NDUFS2: variants seen among roughly 807,000 people sequenced by gnomAD.
NDUFS2 encodes the protein NADH dehydrogenase [ubiquinone] iron-sulfur protein 2, mitochondrial.
A neutral mutation model predicts 69.6 loss-of-function variants in NDUFS2; 38 were observed. The ratio of observed to expected loss-of-function variants is 0.55; its 90% CI spans 0.42 to 0.72. The LOEUF is 0.72. Ranked by LOEUF, NDUFS2 falls within the 30% of genes least tolerant of loss-of-function variation. The probability of loss-of-function intolerance (pLI) is 0.00; values close to 1 mark genes in which losing one functional copy is unlikely to be tolerated. For synonymous variants in NDUFS2, 194 were observed against 211.2 expected (o/e 0.92, Z 0.70); for missense variants, 468 against 595.0 (o/e 0.79, Z 2.22).
At chr1:161,199,525 T>A (rs564791680), upstream of NDUFS2, 4 of 152,182 alleles carry the variant, frequency 2.6e-5, no homozygotes, top group South Asian at 2.1e-4. Context: ...AGGGAACAGG[T>A]AAGGAGGCAT....
intron 10 of NDUFS2, 127 bp downstream of exon 10, chr1:161,212,607 G>T: frequency 1.6e-6 from 2 of 1,274,774 alleles, no homozygotes; most frequent in Admixed American, 4.3e-5. Context: ...TACTCTTATT[G>T]CCCAGACTGG....
At chr1:161,198,159 C>T, upstream of NDUFS2, 1 of 1,614,028 alleles carries the variant, frequency 6.2e-7, no homozygotes, top group East Asian at 2.2e-5. This position sits in a 1 kb window ranked among gnomAD's most constrained non-coding sequence, Gnocchi z 4.7. Context: ...AGTTCAGCCC[C>T]CCGATATTGT....
intron 3 of NDUFS2, among the ~76,000 whole-genome samples, chr1:161,207,906 G>A (rs1219270521): frequency 6.8e-6 from 1 of 147,240 alleles, no homozygotes; most frequent in Non-Finnish European, 1.5e-5. Flanking sequence ...TCTGCCTCCC[G>A]AGTTTAAGCA....
upstream of NDUFS2, chr1:161,202,239 C>T: frequency 1.3e-6 from 1 of 765,676 alleles, no homozygotes; most frequent in Non-Finnish European, 2.2e-6. Context: ...AGTCACAGGA[C>T]CCGGATGTTG....
chr1:161,212,570 T>C, intron 10 of NDUFS2, 90 bp downstream of exon 10: 3 of 1,526,978 alleles, frequency 2.0e-6, no homozygotes, highest in Non-Finnish European at 2.6e-6. Context: ...TATCTTTTGG[T>C]TTTCTTTTTT....
chr1:161,207,795 C>T (rs1665551648), intron 3 of NDUFS2, among the ~76,000 whole-genome samples: 1 of 150,316 alleles, frequency 6.7e-6, no homozygotes. Context: ...CTTTCTCCTT[C>T]AGTATCTGAA....
Position 161,214,299 on chromosome 1 carries a change from GTA to G in NDUFS2, c.*108_*109del, listed in dbSNP as rs886045468. Reference sequence around the variant, plus strand: ...TGTGTGTGTGTGTGTGTGTGTGTGTGTATGTTCATGTACACTTGGCTGTCAGG... The same window carrying G: ...TGTGTGTGTGTGTGTGTGTGTGTGTGTGTTCATGTACACTTGGCTGTCAGG... On this transcript the variant is annotated 3_prime_UTR_variant, in exon 14 of 14. Coordinates refer to ENST00000676972, the MANE Select transcript of NDUFS2 (RefSeq NM_001377299.1). 12 of 1,031,030 alleles carry G rather than the reference GTA, an allele frequency of 1.2e-5. No homozygotes were observed. The highest frequency in any genetic ancestry group is 3.8e-5 in the Admixed American group (2 of 52,034). 63.9% of individuals were successfully genotyped at this position (1,031,030 alleles called of 1,614,324 possible). A position where few individuals can be genotyped will look rare whatever the true frequency, so the allele number is the denominator to read the frequency against.
chr1:161,202,659 A>G (rs1665207242), intron 1 of NDUFS2, among the ~76,000 whole-genome samples, 179 bp downstream of exon 1: 1 of 152,148 alleles, frequency 6.6e-6, no homozygotes, highest in African/African-American at 2.4e-5. Context: ...GAGGGTCTAG[A>G]GTTCGTTCGT....
chr1:161,202,491 G>A lies in NDUFS2; in HGVS notation c.95+11G>A, dbSNP rs766154232. ...GATTCAGCCCAGCAGGTGAGATCGA[G>A]GGCAGCTCTCGACACACTTTCTCCA... On this transcript the variant is annotated intron_variant, in intron 1 of 13. Coordinates refer to ENST00000676972, the MANE Select transcript of NDUFS2 (RefSeq NM_001377299.1). 6.8e-6 allele frequency: 11 copies of A among 1,606,454 alleles called. No homozygotes were observed. Among genetic ancestry groups the A allele is most frequent in the Admixed American group, 1.7e-5 (1 of 59,072 alleles).
At chr1:161,203,720 C>A in intron 2 of NDUFS2, 177 bp downstream of exon 2, 1 of 656,584 alleles carries the variant, frequency 1.5e-6, no homozygotes, top group Non-Finnish European at 2.8e-6. Flanking sequence ...CTCAGCCTCC[C>A]CAGAAAGCCG....
Position 161,213,367 on chromosome 1 carries a change from T to A in NDUFS2, c.1117-13T>A. The stretch of plus-strand genomic sequence containing the variant: ...GATATGGTTTATTGATGCTCCCTGT[T>A]TCCTCTCTTCAGACTTCCATGGAGT... On this transcript the variant is annotated splice_polypyrimidine_tract_variant and intron_variant, in intron 10 of 13. Transcript: ENST00000676972. 1 of 1,583,700 alleles carries A rather than the reference T, an allele frequency of 6.3e-7. No individual in the cohort carries two copies.
upstream of NDUFS2, among the ~76,000 whole-genome samples, chr1:161,200,868 T>G (rs1436229448): frequency 4.6e-5 from 7 of 152,054 alleles, no homozygotes; most frequent in Admixed American, 6.6e-5. Context: ...GCAGTGTGTG[T>G]GGGGGTGTTG....
At chr1:161,202,785 T>G (rs1323141765) in intron 1 of NDUFS2, among the ~76,000 whole-genome samples, 1 of 152,180 alleles carries the variant, frequency 6.6e-6, no homozygotes, top group East Asian at 1.9e-4. Flanking sequence ...GCTCGCTGTC[T>G]CTCTGTCGTT....
In NDUFS2 at chr1:161,210,312, C is replaced by T; in HGVS notation, c.789C>T (p.Thr263=). The change falls in exon 8 of 14, where the codon ACC becomes ACT. Residue 263 remains threonine (T), a synonymous_variant. Coordinates refer to ENST00000676972, the MANE Select transcript of NDUFS2 (RefSeq NM_001377299.1). ...GTTTTCTTGATCAATAGTTGCTGAC[C>T]AACAATAGGATCTGGCGAAATCGGA... ...LRLDELEELL[T]NNRIWRNRTI... 6.2e-7 allele frequency: 1 copy of T among 1,613,688 alleles called. No homozygotes were observed. The highest frequency in any genetic ancestry group is 8.5e-7 in the Non-Finnish European group (1 of 1,179,786).
At chr1:161,199,944 C>G (rs1488728020), upstream of NDUFS2, among the ~76,000 whole-genome samples, 1 of 151,456 alleles carries the variant, frequency 6.6e-6, no homozygotes, top group Non-Finnish European at 1.5e-5. Context: ...TTCCCCCAGG[C>G]TTTTGGCCCT....
chr1:161,202,112 C>A, upstream of NDUFS2: 1 of 535,400 alleles, frequency 1.9e-6, no homozygotes, highest in East Asian at 3.4e-5. Context: ...ATCTGCCCCA[C>A]GCAGGAACGG....
upstream of NDUFS2, among the ~76,000 whole-genome samples, chr1:161,197,841 C>T (rs1664917402): frequency 6.6e-6 from 1 of 151,932 alleles, no homozygotes; most frequent in Non-Finnish European, 1.5e-5. Flanking sequence ...TGAGCCTTAC[C>T]AAGAAAGGAG....
At chr1:161,198,091 G>A (rs758043724), upstream of NDUFS2, 10 of 1,613,360 alleles carry the variant, frequency 6.2e-6, no homozygotes, top group African/African-American at 9.3e-5. The surrounding 1 kb of genome is among the most constrained non-coding windows in gnomAD (Gnocchi z 4.7). Context: ...GGCGTAGGAT[G>A]TGAGCCCCAG....
At chr1:161,208,062 G>A (rs1284658104) in intron 3 of NDUFS2, among the ~76,000 whole-genome samples, 2 of 138,960 alleles carry the variant, frequency 1.4e-5, no homozygotes, top group Admixed American at 8.0e-5. Flanking sequence ...TTGGCTCACT[G>A]CAAACTCCAC....
Sources: allele counts gnomAD v4.1 joint callset (sites outside exome capture counted in the v4.1 genomes callset), GRCh38; gene constraint gnomAD v4.1.1; non-coding constraint Gnocchi (gnomAD v3.1); transcripts MANE v1.5; gene names NCBI Gene and HGNC (gene_info 2026-07-23, HGNC 2026-07-21).